Variants in PPFIA2 observed in about 807,000 individuals in gnomAD.
PPFIA2 encodes the protein PPFI scaffold protein A2.
PPFIA2 carries 46 observed loss-of-function variants against 175.5 expected under a neutral mutation model. The observed-to-expected ratio is 0.26, with a 90% CI of 0.21 to 0.34. The LOEUF (loss-of-function observed/expected upper bound fraction) is 0.34. PPFIA2 is among the 10% of genes least tolerant of loss of function. The pLI is 1.00. For missense variants in PPFIA2, 1,179 were observed against 1,506.1 expected, an observed-to-expected ratio of 0.78 and a Z score of 3.60; for synonymous variants, 568 against 511.4, an observed-to-expected ratio of 1.11 and a Z score of -1.49.
At chr12:81,428,202 T>C (rs1040414911) in intron 7 of PPFIA2, among the ~76,000 whole-genome samples, 1 of 151,834 alleles carries the variant, frequency 6.6e-6, no homozygotes, top group Non-Finnish European at 1.5e-5. Flanking sequence ...CATGCAACAA[T>C]AGAACTATGT....
At chr12:81,518,692 T>A (rs1352088855) in intron 4 of PPFIA2, among the ~76,000 whole-genome samples, 4 of 152,190 alleles carry the variant, frequency 2.6e-5, no homozygotes, top group African/African-American at 7.2e-5. Context: ...TGCCTTATCA[T>A]TTTTTATAAT....
At chr12:81,712,258 T>C (rs1343372947) in intron 3 of PPFIA2, among the ~76,000 whole-genome samples, 2 of 151,332 alleles carry the variant, frequency 1.3e-5, no homozygotes, top group Non-Finnish European at 1.5e-5. Flanking sequence ...CAAAAGTCTA[T>C]AAACAAGATT....
chr12:81,312,174 C>A, intron 22 of PPFIA2: 2 of 1,534,496 alleles, frequency 1.3e-6, no homozygotes, highest in East Asian at 4.9e-5. Context: ...ATGTGCTTTT[C>A]ATGAGATGGA....
At chr12:81,290,083 T>C (rs1177720720) in intron 24 of PPFIA2, among the ~76,000 whole-genome samples, 3 of 151,738 alleles carry the variant, frequency 2.0e-5, no homozygotes. Context: ...AAATAAAAGT[T>C]AAAAATAAAA....
intron 4 of PPFIA2, among the ~76,000 whole-genome samples, chr12:81,593,960 A>C (rs2058969572): frequency 6.6e-6 from 1 of 152,178 alleles, no homozygotes; most frequent in African/African-American, 2.4e-5. Context: ...GCAAAGCTTC[A>C]TCTGTATTTA....
intron 8 of PPFIA2, among the ~76,000 whole-genome samples, chr12:81,395,218 C>A (rs1279819397): frequency 6.6e-6 from 1 of 151,992 alleles, no homozygotes; most frequent in Middle Eastern, 3.4e-3. Context: ...AAGGAGATAA[C>A]AATCACAGTA....
chr12:81,674,023 TATA>T (rs1363647691), intron 4 of PPFIA2, among the ~76,000 whole-genome samples: 2 of 152,072 alleles, frequency 1.3e-5, no homozygotes, highest in Admixed American at 1.3e-4. Flanking sequence ...CAAATTTACT[TATA>T]ATGACATTTG....
chr12:81,531,371 T>C (rs758432393), intron 4 of PPFIA2, among the ~76,000 whole-genome samples: 143 of 151,818 alleles, frequency 9.4e-4, no homozygotes, highest in South Asian at 1.0e-3. Flanking sequence ...AGAAGTATGA[T>C]AATAGTATAA....
chr12:81,362,816 C>A, intron 14 of PPFIA2, 32 bp from the exon 15 acceptor site: 1 of 1,276,906 alleles, frequency 7.8e-7, no homozygotes, highest in Non-Finnish European at 1.1e-6. Context: ...ACTCAGATGC[C>A]AGTAATATCA....
intron 3 of PPFIA2, among the ~76,000 whole-genome samples, chr12:81,677,992 T>C (rs2072887933): frequency 6.6e-6 from 1 of 151,834 alleles, no homozygotes; most frequent in Non-Finnish European, 1.5e-5. Context: ...GCAACTGATT[T>C]AAGTTGTAAA....
intron 4 of PPFIA2, among the ~76,000 whole-genome samples, chr12:81,520,168 T>G (rs2062945518): frequency 6.6e-6 from 1 of 152,202 alleles, no homozygotes; most frequent in South Asian, 2.1e-4. Context: ...GATCATCTGC[T>G]TTAGGTGATT....
rs1485210151 is a variant in PPFIA2 at position 81,358,104 on chromosome 12, C to T, written c.1751G>A (p.Gly584Asp). Residue 584 changes from glycine to aspartate, a missense_variant, in exon 16 of 33, where the codon GGT (glycine) becomes GAT (aspartate). Physicochemically the swap from Gly to Asp is moderately conservative, Grantham distance 94. Transcript: ENST00000549396. ...VIRRPRRGRM[G>D]VRRDEPKVKS... The stretch of plus-strand genomic sequence containing the variant: ...AACCTTTGGCTCATCTCTTCGCACA[C>T]CCATGCGGCCTCTCCTTGGTCTTCT... The T allele has an allele frequency of 1.2e-6, 2 of 1,605,678 alleles. No homozygotes were observed. The highest frequency in any genetic ancestry group is 1.7e-6 in the Non-Finnish European group (2 of 1,175,854).
intron 4 of PPFIA2, among the ~76,000 whole-genome samples, chr12:81,511,494 A>G (rs887451930): frequency 6.6e-6 from 1 of 152,126 alleles, no homozygotes; most frequent in African/African-American, 2.4e-5. Context: ...AATATTTCAA[A>G]TAATAGTACA....
intron 3 of PPFIA2, among the ~76,000 whole-genome samples, chr12:81,721,942 G>A (rs539535066): frequency 6.8e-4 from 103 of 150,950 alleles, no homozygotes; most frequent in Non-Finnish European, 1.2e-3. Flanking sequence ...GCACATAATA[G>A]ATATTACTAT....
At chr12:81,281,696 T>C (rs1043295775) in intron 26 of PPFIA2, among the ~76,000 whole-genome samples, 1 of 152,092 alleles carries the variant, frequency 6.6e-6, no homozygotes, top group Non-Finnish European at 1.5e-5. Context: ...TTACATTTTG[T>C]CCAAGTATGT....
rs11114883 is a variant in PPFIA2 at position 81,493,739 on chromosome 12, T to C, written c.304-35873A>G. Among the ~76,000 whole-genome samples, 56 of 132,192 alleles carry C rather than the reference T, an allele frequency of 4.2e-4. No individual in the cohort carries two copies. The East Asian group carries it at 0.011, about 27-fold the overall frequency. 86.7% of individuals were successfully genotyped at this position (132,192 alleles called of 152,430 possible). On this transcript the variant is annotated intron_variant, in intron 4 of 32. Transcript: ENST00000549396. ...GGAATTGAGTGTGTGTTTGTGTGTG[T>C]GTGTGTGTGTGTGTCTATATATATA...
At chr12:81,498,884 A>G (rs541502243) in intron 4 of PPFIA2, among the ~76,000 whole-genome samples, 2 of 152,126 alleles carry the variant, frequency 1.3e-5, no homozygotes, top group Non-Finnish European at 2.9e-5. Flanking sequence ...TGGCCTCCCA[A>G]ATTGCTGGGA....
In PPFIA2 at chr12:81,457,798, G is replaced by T. The variant is rs550150710; in HGVS notation, c.372C>A (p.Ile124=). The change falls in exon 5 of 33, where the codon ATC becomes ATA. Residue 124 remains isoleucine, a synonymous_variant. Transcript: ENST00000549396. ...REQLLEKEEE[I]SELKAERNNT... ...TGTTTCTTTCAGCTTTAAGTTCAGAGATTTCTTCTTCCTTTTCTAGAAGTT... is the reference window on the plus strand; with the variant it reads ...TGTTTCTTTCAGCTTTAAGTTCAGATATTTCTTCTTCCTTTTCTAGAAGTT... 41 of 1,610,302 alleles carry T rather than the reference G, an allele frequency of 2.5e-5. No individual in the cohort carries two copies. The highest frequency in any genetic ancestry group is 2.3e-4 in the South Asian group (21 of 90,306).
intron 4 of PPFIA2, among the ~76,000 whole-genome samples, chr12:81,563,105 C>G (rs931157941): frequency 4.0e-5 from 6 of 151,646 alleles, no homozygotes; most frequent in Non-Finnish European, 7.4e-5. Flanking sequence ...TATATATGTT[C>G]TTCTTGTTTT....
Sources: gnomAD v4.1 joint callset for allele counts (sites outside exome capture counted in the v4.1 genomes callset) on GRCh38, gnomAD v4.1.1 for gene constraint, MANE v1.5 for transcripts, NCBI Gene and HGNC (gene_info 2026-07-23, HGNC 2026-07-21) for gene names.